Variants in ZPBP observed in about 807,000 individuals in gnomAD.
ZPBP encodes the protein zona pellucida binding protein.
Under a neutral mutation model 44.8 loss-of-function variants are expected in ZPBP, and 26 were observed. The observed-to-expected ratio is 0.58, with a 90% CI of 0.43 to 0.81. The LOEUF (loss-of-function observed/expected upper bound fraction) is 0.81. ZPBP is among the 30% of genes least tolerant of loss of function. The pLI is 0.00. For missense variants in ZPBP, 409 were observed against 434.0 expected (o/e 0.94, Z 0.51); for synonymous variants, 174 against 153.2 (o/e 1.14, Z -1.00).
Position 49,892,031 on chromosome 7 carries a change from A to ATTT in ZPBP, n.509+9084_509+9086dup, listed in dbSNP as rs536880676. Among the ~76,000 whole-genome samples the ATTT allele has an allele frequency of 6.8e-4, 36 of 53,288 alleles. 3 individuals carry two copies. Among genetic ancestry groups the ATTT allele is most frequent in the Admixed American group, 1.3e-3 (4 of 3,026 alleles). 35.0% of individuals were successfully genotyped at this position (53,288 alleles called of 152,430 possible). A position where few individuals can be genotyped will look rare whatever the true frequency, so the allele number is the denominator to read the frequency against. Reference sequence around the variant, plus strand: ...GCAGTTGGCAGAACAGACAAAGTAGATTTTTTTTTTTTTTTTTTTTTTTTT... The same window carrying ATTT: ...GCAGTTGGCAGAACAGACAAAGTAGATTTTTTTTTTTTTTTTTTTTTTTTTTTT... On this transcript the variant is annotated intron_variant and non_coding_transcript_variant, in intron 2 of 2. Coordinates refer to the ZPBP transcript ENST00000465922.
chr7:50,040,130 A>T (rs1284042325), intron 4 of ZPBP, among the ~76,000 whole-genome samples: 1 of 152,256 alleles, frequency 6.6e-6, no homozygotes, highest in Non-Finnish European at 1.5e-5. Flanking sequence ...ATCCAAGTAT[A>T]TCAATAATAA....
intron 2 of ZPBP, among the ~76,000 whole-genome samples, chr7:49,852,099 G>A (rs1380123202): frequency 6.6e-6 from 1 of 152,216 alleles, no homozygotes; most frequent in African/African-American, 2.4e-5. Context: ...AGGCCAGCAG[G>A]CACCAGTACC....
chr7:49,933,014 A>C (rs535025033), downstream of ZPBP, among the ~76,000 whole-genome samples: 1 of 152,282 alleles, frequency 6.6e-6, no homozygotes, highest in East Asian at 1.9e-4. Flanking sequence ...CTCCTTTATA[A>C]ATTACCCAGT....
intron 7 of ZPBP, among the ~76,000 whole-genome samples, chr7:49,955,126 A>G (rs1412131608): frequency 6.6e-6 from 1 of 152,188 alleles, no homozygotes; most frequent in Non-Finnish European, 1.5e-5. Context: ...TGGACTTATC[A>G]AAAACTTAAA....
chr7:49,899,016 G>A (rs1207025210), intron 2 of ZPBP, among the ~76,000 whole-genome samples: 1 of 151,990 alleles, frequency 6.6e-6, no homozygotes, highest in African/African-American at 2.4e-5. Flanking sequence ...CAGTCACTTT[G>A]AACATAAATG....
At chr7:49,890,173 A>C (rs1792069755) in intron 2 of ZPBP, among the ~76,000 whole-genome samples, 1 of 152,232 alleles carries the variant, frequency 6.6e-6, no homozygotes, top group Non-Finnish European at 1.5e-5. Context: ...GGTCTTAACA[A>C]TGAACAACTG....
At chr7:49,866,946 A>G (rs1790917223) in intron 2 of ZPBP, among the ~76,000 whole-genome samples, 1 of 152,250 alleles carries the variant, frequency 6.6e-6, no homozygotes, top group South Asian at 2.1e-4. Context: ...ACACAGACCC[A>G]GAAGCCCACC....
chr7:49,844,165 G>C, the ZPBP span, among the ~76,000 whole-genome samples: 1 of 152,206 alleles, frequency 6.6e-6, no homozygotes, highest in African/African-American at 2.4e-5. Context: ...GGAAAGGTCT[G>C]CTCAGACGGG....
At chr7:50,081,941 T>G in intron 2 of ZPBP, 42 bp from the exon 3 acceptor site, 1 of 1,597,600 alleles carries the variant, frequency 6.3e-7, no homozygotes, top group Non-Finnish European at 8.5e-7. Flanking sequence ...GTATTTTATC[T>G]TCTTTTCTTT....
chr7:50,078,608 T>C (rs1032852973), intron 3 of ZPBP, among the ~76,000 whole-genome samples: 3 of 150,780 alleles, frequency 2.0e-5, no homozygotes, highest in Non-Finnish European at 3.0e-5. Context: ...ACAATAAAAA[T>C]ACTAAAAGAA....
At chr7:50,038,296 G>GT (rs1231359397) in intron 4 of ZPBP, among the ~76,000 whole-genome samples, 1 of 152,222 alleles carries the variant, frequency 6.6e-6, no homozygotes, top group Non-Finnish European at 1.5e-5. Context: ...TCACTTGCGT[G>GT]TAAGTGTAGA....
At chr7:49,929,379 G>A (rs1272074330) in intron 1 of ZPBP, among the ~76,000 whole-genome samples, 1 of 152,170 alleles carries the variant, frequency 6.6e-6, no homozygotes, top group Non-Finnish European at 1.5e-5. Flanking sequence ...TCCTGCCCCT[G>A]AAAAATCCAA....
chr7:49,881,407 G>A (rs1311748902), intron 2 of ZPBP, among the ~76,000 whole-genome samples: 1 of 152,150 alleles, frequency 6.6e-6, no homozygotes, highest in Admixed American at 6.6e-5. Context: ...AGTCTGGAAT[G>A]AATGATTTAA....
intron 2 of ZPBP, among the ~76,000 whole-genome samples, chr7:49,875,369 C>CAAAAAAAAAAAAAAAAAAAAAAAAAAAAA: frequency 5.3e-5 from 1 of 19,016 alleles, no homozygotes; most frequent in Non-Finnish European, 8.5e-5. Flanking sequence ...GATTCTGACT[C>CAAAAAAAAAAAAAAAAAAAAAAAAAAAAA]AAAAAAAAAA....
intron 1 of ZPBP, among the ~76,000 whole-genome samples, chr7:49,910,373 C>T (rs747888272): frequency 3.9e-5 from 6 of 152,096 alleles, no homozygotes; most frequent in Admixed American, 6.5e-5. Context: ...TGACTTCACA[C>T]GCTATAATTA....
rs550856559 is a variant in ZPBP at position 50,074,206 on chromosome 7, T to C, written c.334+7568A>G. ...TGTTTATGCAAACAATGTTAAGTTT[T>C]TATCAGGTAAAAATATTGGATTATA... is the stretch of plus-strand genomic sequence containing the variant. On this transcript the variant is annotated intron_variant, in intron 3 of 7. Coordinates refer to ENST00000046087, the MANE Select transcript of ZPBP (RefSeq NM_007009.3). 1.1e-4 allele frequency among the ~76,000 whole-genome samples: 17 copies of C among 152,144 alleles called. No homozygotes were observed. In the South Asian group the frequency reaches 3.5e-3, roughly 32 times the overall value.
At chr7:49,904,611 A>G (rs1792978551) in intron 1 of ZPBP, among the ~76,000 whole-genome samples, 2 of 152,204 alleles carry the variant, frequency 1.3e-5, no homozygotes, top group African/African-American at 4.8e-5. Context: ...TTTTAGTTAA[A>G]TTTTTATAAC....
intron 7 of ZPBP, among the ~76,000 whole-genome samples, chr7:49,974,484 A>G (rs1196081631): frequency 6.6e-6 from 1 of 152,194 alleles, no homozygotes; most frequent in Non-Finnish European, 1.5e-5. Context: ...TATAATGGTG[A>G]AATTTTGGAT....
chr7:49,897,850 A>G (rs539920465), intron 2 of ZPBP, among the ~76,000 whole-genome samples: 8 of 152,234 alleles, frequency 5.3e-5, no homozygotes, highest in Non-Finnish European at 1.0e-4. Context: ...CCACACTTTG[A>G]GTTTTACTGC....
Sources: allele counts gnomAD v4.1 joint callset (sites outside exome capture counted in the v4.1 genomes callset), GRCh38; gene constraint gnomAD v4.1.1; transcripts MANE v1.5; gene names NCBI Gene and HGNC (gene_info 2026-07-23, HGNC 2026-07-21).